ITGB3BP: variants seen among roughly 807,000 people sequenced by gnomAD.
ITGB3BP encodes centromere protein R.
In ITGB3BP, 27 loss-of-function variants were observed where a neutral mutation model predicts 29.1. The observed-to-expected ratio is 0.93, with a 90% CI of 0.68 to 1.28. ITGB3BP has a LOEUF of 1.28. Among genes scored for constraint, ITGB3BP ranks in the 50% most tolerant of loss-of-function variants. ITGB3BP has a pLI of 0.00. For synonymous variants in ITGB3BP, 61 were observed against 61.4 expected (o/e 0.99, Z 0.03); for missense variants, 192 against 200.2 (o/e 0.96, Z 0.25).
chr1:63,519,174 T>G (rs573210431), intron 1 of ITGB3BP, among the ~76,000 whole-genome samples: 2 of 152,230 alleles, frequency 1.3e-5, no homozygotes, highest in Non-Finnish European at 2.9e-5. Context: ...CATTGTAAAT[T>G]GAAAATGTTA....
At chr1:63,507,285 T>C (rs1014875970) in intron 2 of ITGB3BP, among the ~76,000 whole-genome samples, 2 of 152,194 alleles carry the variant, frequency 1.3e-5, no homozygotes, top group African/African-American at 4.8e-5. Flanking sequence ...GGTACAGAAC[T>C]GGGCCAAACA....
At chr1:63,493,498 C>T (rs892548448) in intron 2 of ITGB3BP, among the ~76,000 whole-genome samples, 1 of 152,020 alleles carries the variant, frequency 6.6e-6, no homozygotes, top group Non-Finnish European at 1.5e-5. Context: ...TTATTTAACA[C>T]CATTTCTAAA....
rs183388718 is a variant in ITGB3BP at position 63,448,339 on chromosome 1, A to T, written c.485-1483T>A. Among the ~76,000 whole-genome samples the T allele has an allele frequency of 7.0e-3, 1,069 of 151,872 alleles. 3 individuals are homozygous for T. Among genetic ancestry groups the T allele is most frequent in the Non-Finnish European group, 0.011 (718 of 67,926 alleles). Reference sequence around the variant, plus strand: ...AAACTTAAAGTATAATAAAAAATAAAAAAAAAAAAGCAATCTAGGCAGAGG... The same window carrying T: ...AAACTTAAAGTATAATAAAAAATAATAAAAAAAAAGCAATCTAGGCAGAGG... On this transcript the variant is annotated intron_variant, in intron 7 of 8. Coordinates refer to ENST00000271002, the MANE Select transcript of ITGB3BP (RefSeq NM_014288.5).
chr1:63,514,873 G>C, intron 1 of ITGB3BP, among the ~76,000 whole-genome samples: 1 of 148,282 alleles, frequency 6.7e-6, no homozygotes, highest in African/African-American at 2.5e-5. Flanking sequence ...TTGAACCCAG[G>C]AGACGGAGGT....
chr1:63,452,687 A>T (rs888921517), intron 7 of ITGB3BP, among the ~76,000 whole-genome samples: 10 of 149,238 alleles, frequency 6.7e-5, no homozygotes, highest in Admixed American at 6.7e-4. Context: ...GCCACCTTTC[A>T]TGTTCTTAAA....
intron 4 of ITGB3BP, among the ~76,000 whole-genome samples, chr1:63,460,623 G>A (rs560722410): frequency 3.3e-5 from 5 of 152,072 alleles, no homozygotes; most frequent in Non-Finnish European, 5.9e-5. Context: ...ATAAATATCT[G>A]AGTCACTGTT....
At chr1:63,485,070 T>C (rs1434761229) in intron 3 of ITGB3BP, among the ~76,000 whole-genome samples, 1 of 152,056 alleles carries the variant, frequency 6.6e-6, no homozygotes, top group East Asian at 1.9e-4. Context: ...CTTTGTTTTC[T>C]TTTTCTATTC....
chr1:63,468,754 A>G (rs1462199305), intron 4 of ITGB3BP, among the ~76,000 whole-genome samples: 2 of 152,044 alleles, frequency 1.3e-5, no homozygotes, highest in Non-Finnish European at 2.9e-5. Context: ...CCAGCTACTC[A>G]GGAGGCTGAG....
At chr1:63,507,770 T>G (rs867330734) in intron 2 of ITGB3BP, among the ~76,000 whole-genome samples, 1 of 152,200 alleles carries the variant, frequency 6.6e-6, no homozygotes. Context: ...AAATTCCATA[T>G]AAAACCCATT....
chr1:63,515,825 T>TAAAAAAAAAAAA (rs76881362), intron 1 of ITGB3BP, among the ~76,000 whole-genome samples: 2 of 48,592 alleles, frequency 4.1e-5, no homozygotes, highest in African/African-American at 1.7e-4. Context: ...GACTCCAACT[T>TAAAAAAAAAAAA]AAAAAAAAAA....
chr1:63,499,738 C>T (rs1466497647), intron 2 of ITGB3BP, among the ~76,000 whole-genome samples: 2 of 152,090 alleles, frequency 1.3e-5, no homozygotes, highest in Admixed American at 6.5e-5. Context: ...GAAAAAAGCA[C>T]ACATGATCAT....
intron 4 of ITGB3BP, among the ~76,000 whole-genome samples, chr1:63,473,189 C>T (rs1298760500): frequency 1.3e-5 from 2 of 151,810 alleles, no homozygotes; most frequent in African/African-American, 4.8e-5. Flanking sequence ...AGGTGAGGAG[C>T]GTCTCTGCCC....
At chr1:63,490,288 T>C (rs1279279320) in intron 2 of ITGB3BP, 70 bp from the exon 3 acceptor site, 5 of 1,138,630 alleles carry the variant, frequency 4.4e-6, no homozygotes, top group South Asian at 1.5e-5. Flanking sequence ...TTATATACCA[T>C]TAAAAAATCA....
intron 2 of ITGB3BP, among the ~76,000 whole-genome samples, chr1:63,499,036 T>A (rs1302156263): frequency 6.6e-6 from 1 of 152,080 alleles, no homozygotes; most frequent in East Asian, 1.9e-4. Context: ...GATTGAATTA[T>A]GGAGAACAGG....
At chr1:63,519,119 T>C (rs936889002) in intron 1 of ITGB3BP, among the ~76,000 whole-genome samples, 2 of 152,142 alleles carry the variant, frequency 1.3e-5, no homozygotes, top group Non-Finnish European at 2.9e-5. Context: ...GCAAAAAATA[T>C]ATAGATGCTC....
intron 3 of ITGB3BP, among the ~76,000 whole-genome samples, chr1:63,483,595 TG>T (rs1450177001): frequency 6.6e-6 from 1 of 152,200 alleles, no homozygotes; most frequent in Non-Finnish European, 1.5e-5. Flanking sequence ...CTTTCTACTT[TG>T]GGGGGTTCAT....
At chr1:63,513,967 C>A (rs184995341) in intron 1 of ITGB3BP, among the ~76,000 whole-genome samples, 233 of 152,236 alleles carry the variant, frequency 1.5e-3, no homozygotes, top group South Asian at 2.9e-3. Context: ...TGTACTATAT[C>A]CCTGAAACTC....
chr1:63,516,430 A>G (rs747777208), intron 1 of ITGB3BP, among the ~76,000 whole-genome samples: 28 of 152,188 alleles, frequency 1.8e-4, no homozygotes, highest in Admixed American at 7.2e-4. Flanking sequence ...AAAGGAAAGC[A>G]AAGAAAATCA....
chr1:63,513,661 T>C (rs1646249918), intron 1 of ITGB3BP, among the ~76,000 whole-genome samples: 1 of 152,128 alleles, frequency 6.6e-6, no homozygotes, highest in Admixed American at 6.5e-5. Flanking sequence ...ACCTCTATCT[T>C]TAATATGTAT....
Sources: gnomAD v4.1 joint callset for allele counts (sites outside exome capture counted in the v4.1 genomes callset) on GRCh38, gnomAD v4.1.1 for gene constraint, MANE v1.5 for transcripts, NCBI Gene and HGNC (gene_info 2026-07-23, HGNC 2026-07-21) for gene names.